Variants in JAK1 observed in about 807,000 individuals in gnomAD.
JAK1 encodes Janus kinase 1.
Under a neutral mutation model 136.6 loss-of-function variants are expected in JAK1, and 16 were observed. The observed-to-expected ratio is 0.12, with a 90% CI of 0.08 to 0.18. The LOEUF is 0.18. Among genes scored for constraint, JAK1 ranks in the 10% least tolerant of loss-of-function variants. JAK1 has a pLI of 1.00. For missense variants in JAK1, 859 were observed against 1,450.1 expected (o/e 0.59, Z 6.62); for synonymous variants, 492 against 519.5 (o/e 0.95, Z 0.72).
At chr1:64,978,951 T>C (rs1030982985) in intron 2 of JAK1, among the ~76,000 whole-genome samples, 6 of 152,150 alleles carry the variant, frequency 3.9e-5, no homozygotes, top group African/African-American at 1.4e-4. Context: ...CCTATCAGCA[T>C]CAAAATTCCG....
At chr1:65,000,197 C>G (rs1226153140) in intron 2 of JAK1, among the ~76,000 whole-genome samples, 1 of 152,024 alleles carries the variant, frequency 6.6e-6, no homozygotes, top group Non-Finnish European at 1.5e-5. Flanking sequence ...CCATGTTGGG[C>G]AGGATGGTCT....
chr1:64,890,148 G>T (rs1644913036), intron 1 of JAK1, among the ~76,000 whole-genome samples: 1 of 152,056 alleles, frequency 6.6e-6, no homozygotes, highest in Admixed American at 6.6e-5. Flanking sequence ...GAAATTTTAA[G>T]ACTAAAAATC....
chr1:64,844,951 T>C lies in JAK1; in HGVS notation c.2116-62A>G, dbSNP rs1380855669. The C allele has an allele frequency of 5.0e-6, 8 of 1,607,442 alleles. No individual in the cohort carries two copies. In the African/African-American group the frequency reaches 9.4e-5, roughly 19 times the overall value. ...CCTTCCCGCATTCTATTTCCAACCC[T>C]GGTCCCTCAGGTCATCTCTTCCTAC... On this transcript the variant is annotated intron_variant, in intron 15 of 24. Transcript: ENST00000342505. This position sits in a 1 kb window ranked among gnomAD's most constrained non-coding sequence, Gnocchi z 5.7.
intron 2 of JAK1, among the ~76,000 whole-genome samples, chr1:65,024,674 A>AT (rs1646963293): frequency 1.3e-5 from 2 of 151,166 alleles, no homozygotes; most frequent in African/African-American, 4.9e-5. Context: ...AAAAAAAAAA[A>AT]AAAAAAGAAA....
At chr1:64,868,956 GAGA>G (rs148788461) in intron 6 of JAK1, among the ~76,000 whole-genome samples, 3,294 of 152,296 alleles carry the variant, frequency 0.022, 125 homozygotes, top group African/African-American at 0.076. Context: ...GAACTGTACT[GAGA>G]AGGATTTTTA....
intron 2 of JAK1, among the ~76,000 whole-genome samples, chr1:64,983,995 CCTT>C (rs1557742677): frequency 6.6e-6 from 1 of 152,166 alleles, no homozygotes; most frequent in Non-Finnish European, 1.5e-5. Context: ...CCTAAATTCT[CCTT>C]ATTGCACCTT....
Position 65,047,538 on chromosome 1 carries a change from G to T in JAK1, c.-180-2956C>A, listed in dbSNP as rs185707842. ...TCGAGACCATCCTGGCTAACACGGT[G>T]AAACCCCGTCTCTACTAAAAATACA... On this transcript the variant is annotated intron_variant, in intron 1 of 25. Transcript: ENST00000671954. Among the ~76,000 whole-genome samples, 67 of 152,238 alleles carry T rather than the reference G, an allele frequency of 4.4e-4. 1 individual carries two copies. The highest frequency in any genetic ancestry group is 3.4e-3 in the Middle Eastern group (1 of 294).
intron 1 of JAK1, among the ~76,000 whole-genome samples, chr1:65,053,462 A>T (rs1257335984): frequency 6.6e-6 from 1 of 152,246 alleles, no homozygotes; most frequent in African/African-American, 2.4e-5. Context: ...AGTTTTAAAG[A>T]AGCAATTTTT....
chr1:64,960,237 T>A lies in JAK1; in HGVS notation c.-78+6096A>T, dbSNP rs1045967917. ...CGCGAGACCTTGTCTCAAAATAAAA[T>A]AAAATGTAAAAATAGCTAGCACATT... is the stretch of plus-strand genomic sequence containing the variant. On this transcript the variant is annotated intron_variant, in intron 1 of 24. Transcript: ENST00000342505. Among the ~76,000 whole-genome samples, 10 of 152,162 alleles carry A rather than the reference T, an allele frequency of 6.6e-5. No individual in the cohort carries two copies. In the South Asian group the frequency reaches 2.1e-3, roughly 31 times the overall value.
chr1:64,956,886 C>G (rs375567725), intron 1 of JAK1, among the ~76,000 whole-genome samples: 1 of 152,044 alleles, frequency 6.6e-6, no homozygotes, highest in African/African-American at 2.4e-5. Flanking sequence ...GAGAAAGAGA[C>G]GATACTCAAA....
chr1:65,043,514 TTA>T (rs546666658), intron 2 of JAK1, among the ~76,000 whole-genome samples: 2 of 151,202 alleles, frequency 1.3e-5, no homozygotes, highest in African/African-American at 2.4e-5. Flanking sequence ...TAGCATATGA[TTA>T]TATATATATA....
At position 65,051,197 on chromosome 1, in the gene JAK1, T is replaced by A. The variant is rs61786880; in HGVS notation, c.-180-6615A>T. ...TAGGTATGTCAGGTTTTTTTTTTTT[T>A]AACAGAAATTAGTGAATGATGATAA... On this transcript the variant is annotated intron_variant, in intron 1 of 25. Coordinates refer to the JAK1 transcript ENST00000671954. Among the ~76,000 whole-genome samples the A allele has an allele frequency of 6.1e-4, 89 of 146,404 alleles. 1 individual carries two copies. Among genetic ancestry groups the A allele is most frequent in the African/African-American group, 2.0e-3 (80 of 40,062 alleles).
intron 1 of JAK1, among the ~76,000 whole-genome samples, chr1:64,898,058 C>A (rs902399971): frequency 6.8e-6 from 1 of 146,024 alleles, no homozygotes; most frequent in South Asian, 2.2e-4. Flanking sequence ...CCCCACCTCG[C>A]TATACACACA....
chr1:65,055,829 C>T lies in JAK1; in HGVS notation c.-180-11247G>A, dbSNP rs184421525. Among the ~76,000 whole-genome samples, 14 of 152,278 alleles carry T rather than the reference C, an allele frequency of 9.2e-5. No homozygotes were observed. The Middle Eastern group carries it at 0.01, about 111-fold the overall frequency. On this transcript the variant is annotated intron_variant, in intron 1 of 25. Coordinates refer to the JAK1 transcript ENST00000671954. ...AAAGGGGACCCAGCATGACTCTGTC[C>T]GTAGTGCAGGGTGACTGCAAATGAC...
chr1:64,850,738 C>G, intron 12 of JAK1, 66 bp downstream of exon 12: 1 of 1,055,734 alleles, frequency 9.5e-7, no homozygotes. Context: ...TCCCCCAGAT[C>G]CCCAAGCTGC....
chr1:65,006,173 G>T (rs892610316), intron 2 of JAK1, among the ~76,000 whole-genome samples: 4 of 152,140 alleles, frequency 2.6e-5, no homozygotes, highest in Non-Finnish European at 5.9e-5. Context: ...AACTCAAATT[G>T]TATTTGGTAA....
intron 2 of JAK1, among the ~76,000 whole-genome samples, chr1:64,994,211 G>A (rs947205018): frequency 2.6e-5 from 4 of 152,230 alleles, no homozygotes; most frequent in African/African-American, 9.6e-5. Context: ...AAAGTGCTGG[G>A]ATTGCAGTCA....
At chr1:64,869,809 C>G (rs949115173) in intron 5 of JAK1, among the ~76,000 whole-genome samples, 1 of 152,300 alleles carries the variant, frequency 6.6e-6, no homozygotes, top group African/African-American at 2.4e-5. Flanking sequence ...GAAGGTGACA[C>G]TGGGCTGAGG....
chr1:64,952,156 A>G (rs12409333), intron 1 of JAK1, among the ~76,000 whole-genome samples: 29,682 of 152,138 alleles, frequency 0.2, 3,556 homozygotes, highest in East Asian at 0.41. Context: ...AAAAAGAACC[A>G]TAAGTGATTT....
Sources: gnomAD v4.1 joint callset for allele counts (sites outside exome capture counted in the v4.1 genomes callset) on GRCh38, gnomAD v4.1.1 for gene constraint, Gnocchi (gnomAD v3.1) non-coding constraint, MANE v1.5 for transcripts, NCBI Gene and HGNC (gene_info 2026-07-23, HGNC 2026-07-21) for gene names.